The following CNTNAP5 variants were observed in gnomAD, a reference collection of about 807,000 sequenced individuals.
The protein encoded by CNTNAP5 is contactin-associated protein-like 5.
CNTNAP5 carries 72 observed loss-of-function variants against 150.2 expected under a neutral mutation model. That is an observed-to-expected ratio of 0.48 (90% CI 0.40 to 0.58). The LOEUF (loss-of-function observed/expected upper bound fraction) is 0.58. Among genes scored for constraint, CNTNAP5 ranks in the 20% least tolerant of loss-of-function variants. The probability of loss-of-function intolerance (pLI) is 0.00; values close to 1 mark genes in which losing one functional copy is unlikely to be tolerated. For missense variants in CNTNAP5, 1,636 were observed against 1,626.2 expected (o/e 1.01, Z -0.10); for synonymous variants, 672 against 619.8 (o/e 1.08, Z -1.25).
chr2:124,550,545 C>A (rs1472983286), intron 10 of CNTNAP5, among the ~76,000 whole-genome samples: 1 of 152,066 alleles, frequency 6.6e-6, no homozygotes, highest in Non-Finnish European at 1.5e-5. Flanking sequence ...TCCAATATTC[C>A]AACCGAGGTA....
intron 11 of CNTNAP5, among the ~76,000 whole-genome samples, chr2:124,564,919 T>A (rs963128420): frequency 6.6e-6 from 1 of 152,202 alleles, no homozygotes; most frequent in Non-Finnish European, 1.5e-5. Flanking sequence ...GGAGCTCTTC[T>A]GAGGACTCCA....
chr2:124,742,643 CACACACACAT>C (rs1680521423), intron 13 of CNTNAP5, among the ~76,000 whole-genome samples: 1 of 148,926 alleles, frequency 6.7e-6, no homozygotes, highest in African/African-American at 2.5e-5. Flanking sequence ...CACACACACA[CACACACACAT>C]ATATATATAT....
At chr2:124,793,854 A>T (rs904199976) in intron 18 of CNTNAP5, among the ~76,000 whole-genome samples, 3 of 152,086 alleles carry the variant, frequency 2.0e-5, no homozygotes, top group African/African-American at 7.2e-5. Flanking sequence ...TTTTAATTTA[A>T]ATGTTTTTTC....
intron 3 of CNTNAP5, among the ~76,000 whole-genome samples, chr2:124,346,150 A>G (rs994020578): frequency 6.6e-6 from 1 of 152,164 alleles, no homozygotes; most frequent in Non-Finnish European, 1.5e-5. Flanking sequence ...TACCACACTC[A>G]CTTGCTTACT....
intron 13 of CNTNAP5, among the ~76,000 whole-genome samples, chr2:124,684,656 C>G (rs953898320): frequency 1.3e-5 from 2 of 152,158 alleles, no homozygotes; most frequent in African/African-American, 4.8e-5. Flanking sequence ...GAGGATCCCA[C>G]CTTGCGGAGT....
chr2:124,786,965 T>C (rs1156253432), intron 17 of CNTNAP5, among the ~76,000 whole-genome samples: 1 of 152,216 alleles, frequency 6.6e-6, no homozygotes, highest in African/African-American at 2.4e-5. Context: ...ACTGTGTCAT[T>C]ACGGTTTGTC....
intron 8 of CNTNAP5, among the ~76,000 whole-genome samples, chr2:124,516,104 T>G (rs1055853397): frequency 1.3e-5 from 2 of 152,154 alleles, no homozygotes; most frequent in African/African-American, 4.8e-5. Context: ...ATATGTGAAC[T>G]CAATCTACCA....
intron 17 of CNTNAP5, among the ~76,000 whole-genome samples, chr2:124,779,284 G>A (rs1681398382): frequency 1.3e-5 from 2 of 152,336 alleles, no homozygotes; most frequent in South Asian, 2.1e-4. Context: ...CTGGTTATTC[G>A]TTCTGGCTTC....
intron 4 of CNTNAP5, among the ~76,000 whole-genome samples, chr2:124,425,051 A>C (rs1692207068): frequency 1.3e-5 from 2 of 152,206 alleles, no homozygotes; most frequent in African/African-American, 4.8e-5. Context: ...TGGATCAACC[A>C]CTTTATGCAA....
intron 13 of CNTNAP5, among the ~76,000 whole-genome samples, chr2:124,716,770 T>A (rs1463884589): frequency 6.6e-6 from 1 of 152,136 alleles, no homozygotes; most frequent in Non-Finnish European, 1.5e-5. Context: ...GATTAGGTGA[T>A]AGATTTTTCT....
rs115699507 is a variant in CNTNAP5, at chr2:124,372,324, G to T, written c.382-45119G>T. On this transcript the variant is annotated intron_variant, in intron 3 of 23. Transcript: ENST00000682447. ...AGGCATTTGGACTTGGGCTGAGCAT[G>T]CTACCAGCTTTTTTTGTTCTCCAGC... 8.7e-3 allele frequency among the ~76,000 whole-genome samples: 1,326 copies of T among 152,130 alleles called. 19 individuals carry two copies. Among genetic ancestry groups the T allele is most frequent in the African/African-American group, 0.028 (1,154 of 41,510 alleles).
At chr2:124,747,128 T>A (rs1013970689) in intron 13 of CNTNAP5, 101 bp from the exon 14 acceptor site, 6 of 1,093,396 alleles carry the variant, frequency 5.5e-6, no homozygotes, top group African/African-American at 4.7e-5. Context: ...ATTATCTATA[T>A]ACATCTATTC....
chr2:124,562,953 G>A (rs1695928171), intron 10 of CNTNAP5, among the ~76,000 whole-genome samples: 1 of 152,148 alleles, frequency 6.6e-6, no homozygotes, highest in Non-Finnish European at 1.5e-5. Flanking sequence ...ACATGAATTT[G>A]CCTCAATATT....
intron 7 of CNTNAP5, among the ~76,000 whole-genome samples, chr2:124,480,552 G>A (rs912865604): frequency 1.3e-5 from 2 of 152,098 alleles, no homozygotes; most frequent in African/African-American, 2.4e-5. Context: ...GTAGTGACAG[G>A]CACCTTTATC....
intron 21 of CNTNAP5, among the ~76,000 whole-genome samples, chr2:124,894,362 C>T (rs1048704562): frequency 2.0e-5 from 3 of 151,256 alleles, no homozygotes; most frequent in African/African-American, 7.4e-5. Context: ...ATGCAGTACC[C>T]TTGTCTTGCT....
chr2:124,461,553 G>A (rs1250193445), intron 6 of CNTNAP5, among the ~76,000 whole-genome samples: 1 of 150,110 alleles, frequency 6.7e-6, no homozygotes, highest in African/African-American at 2.5e-5. Context: ...GGGAGGGATA[G>A]CATTAGGAGA....
At chr2:124,561,201 C>T (rs1261416643) in intron 10 of CNTNAP5, among the ~76,000 whole-genome samples, 2 of 151,986 alleles carry the variant, frequency 1.3e-5, no homozygotes, top group African/African-American at 4.8e-5. Context: ...AAAATTATGG[C>T]ACAAGGTAAA....
intron 3 of CNTNAP5, among the ~76,000 whole-genome samples, chr2:124,320,908 T>C (rs1219015333): frequency 6.6e-6 from 1 of 151,952 alleles, no homozygotes; most frequent in Non-Finnish European, 1.5e-5. Context: ...TGCGTCACAA[T>C]GGGAAAAGAG....
In CNTNAP5 at chr2:124,610,063, G is replaced by A. The variant is rs79881394; in HGVS notation, c.1876+143G>A. 0.018 allele frequency: 15,520 copies of A among 873,614 alleles called. 1,747 individuals carry two copies. In the African/African-American group the frequency reaches 0.24, roughly 13 times the overall value. 54.1% of individuals were successfully genotyped at this position (873,614 alleles called of 1,614,324 possible). A position where few individuals can be genotyped will look rare whatever the true frequency, so the allele number is the denominator to read the frequency against. ...CCTTTGGGGAGGAAATGGTATTCTGGTGAGTAATGCAAATTTGCAGCTAGG... is the reference window on the plus strand; with the variant it reads ...CCTTTGGGGAGGAAATGGTATTCTGATGAGTAATGCAAATTTGCAGCTAGG... On this transcript the variant is annotated intron_variant, in intron 12 of 23. Transcript: ENST00000682447.
Sources: gnomAD v4.1 joint callset for allele counts (sites outside exome capture counted in the v4.1 genomes callset) on GRCh38, gnomAD v4.1.1 for gene constraint, MANE v1.5 for transcripts, NCBI Gene and HGNC (gene_info 2026-07-23, HGNC 2026-07-21) for gene names.